The following UGT1A8 variants were observed in gnomAD, a reference collection of about 807,000 sequenced individuals.
UGT1A8 encodes the protein UDP-glucuronosyltransferase 1A8.
A neutral mutation model predicts 45.3 loss-of-function variants in UGT1A8; 39 were observed. The ratio of observed to expected loss-of-function variants is 0.86; its 90% confidence interval spans 0.67 to 1.12. UGT1A8 has a LOEUF of 1.12. Among genes scored for constraint, UGT1A8 ranks in the 50% most tolerant of loss-of-function variants. UGT1A8 has a pLI of 0.00. For missense variants in UGT1A8, 719 were observed against 664.9 expected (o/e 1.08, Z -0.90); for synonymous variants, 275 against 249.2 (o/e 1.10, Z -0.97).
At chr2:233,635,592 C>T (rs769056496) in intron 1 of UGT1A8, among the ~76,000 whole-genome samples, 8 of 150,654 alleles carry the variant, frequency 5.3e-5, no homozygotes, top group Non-Finnish European at 5.9e-5. Context: ...TATATTTGAC[C>T]ATGATATATG....
chr2:233,618,236 C>T lies in UGT1A8; in HGVS notation c.529C>T (p.Leu177Phe). The change falls in exon 1 of 5, where the codon CTT becomes TTT. Residue 177 changes from leucine to phenylalanine, a missense_variant. Physicochemically the swap from Leu to Phe is conservative, Grantham distance 22. Transcript: ENST00000373450. The stretch of plus-strand genomic sequence containing the variant: ...CGCCAGGGGAATAGCTTGCCACTAT[C>T]TTGAAGAAGGTGCACAGTGCCCTGC... Reference protein sequence around the residue: ...VFARGIACHYLEEGAQCPAPL... With the variant: ...VFARGIACHYFEEGAQCPAPL... 1 of 1,613,952 alleles carries T rather than the reference C, an allele frequency of 6.2e-7. No homozygotes were observed. Among genetic ancestry groups the T allele is most frequent in the Non-Finnish European group, 8.5e-7 (1 of 1,179,876 alleles).
chr2:233,681,870 A>G, intron 1 of UGT1A8: 1 of 1,539,590 alleles, frequency 6.5e-7, no homozygotes. Context: ...TTCTATCTGT[A>G]CTTCTTCCAC....
At chr2:233,740,343 G>A (rs1691372843) in intron 1 of UGT1A8, among the ~76,000 whole-genome samples, 1 of 151,960 alleles carries the variant, frequency 6.6e-6, no homozygotes, top group African/African-American at 2.4e-5. Flanking sequence ...AAGTTGATGA[G>A]AAAGTGGAAT....
chr2:233,690,902 G>A (rs2075020520), intron 1 of UGT1A8: 1 of 1,031,348 alleles, frequency 9.7e-7, no homozygotes, highest in Non-Finnish European at 1.2e-6. Context: ...GGTATGCATA[G>A]TGATGTTAGT....
chr2:233,618,194 C>A lies in UGT1A8; in HGVS notation c.487C>A (p.Leu163Ile), dbSNP rs781306567. ...CGLIVAKYFSLPSVVFARGIA... is the reference protein window; with the variant it reads ...CGLIVAKYFSIPSVVFARGIA... ...CTTAATTGTTGCCAAATATTTCTCCCTCCCCTCTGTGGTCTTCGCCAGGGG... is the reference window on the plus strand; with the variant it reads ...CTTAATTGTTGCCAAATATTTCTCCATCCCCTCTGTGGTCTTCGCCAGGGG... Residue 163 changes from leucine (L) to isoleucine (I), a missense_variant, in exon 1 of 5, where the codon CTC becomes ATC. By Grantham distance (5) the Leu-to-Ile change is conservative. Coordinates refer to ENST00000373450, the MANE Select transcript of UGT1A8 (RefSeq NM_019076.5). The A allele has an allele frequency of 2.5e-5, 40 of 1,614,040 alleles. No homozygotes were observed. The highest frequency in any genetic ancestry group is 3.4e-5 in the Non-Finnish European group (40 of 1,180,004).
At chr2:233,714,373 T>G (rs899133661) in intron 1 of UGT1A8, among the ~76,000 whole-genome samples, 1 of 152,172 alleles carries the variant, frequency 6.6e-6, no homozygotes, top group Admixed American at 6.5e-5. Flanking sequence ...TTGACTCAGT[T>G]CAGTGGAATT....
intron 1 of UGT1A8, among the ~76,000 whole-genome samples, chr2:233,628,736 T>A (rs2073134993): frequency 1.3e-5 from 2 of 152,138 alleles, no homozygotes; most frequent in Non-Finnish European, 2.9e-5. Flanking sequence ...AGGATGATAT[T>A]AACTGTGGGT....
chr2:233,671,236 T>C (rs958100210), intron 1 of UGT1A8, among the ~76,000 whole-genome samples: 1 of 152,322 alleles, frequency 6.6e-6, no homozygotes, highest in African/African-American at 2.4e-5. Context: ...TCGCAAGGAT[T>C]GGGCGGGCAA....
chr2:233,728,952 CA>C (rs1350442582), intron 1 of UGT1A8, among the ~76,000 whole-genome samples: 1 of 152,152 alleles, frequency 6.6e-6, no homozygotes, highest in African/African-American at 2.4e-5. Flanking sequence ...GTGGGGCCCA[CA>C]GTGAAAAACA....
chr2:233,635,925 G>A (rs918846701), intron 1 of UGT1A8, among the ~76,000 whole-genome samples: 1 of 150,862 alleles, frequency 6.6e-6, no homozygotes. Context: ...GTCCATGGAG[G>A]CAGGGTTGTC....
intron 1 of UGT1A8, among the ~76,000 whole-genome samples, chr2:233,645,172 T>A (rs931646609): frequency 2.0e-5 from 3 of 152,172 alleles, no homozygotes; most frequent in African/African-American, 7.2e-5. Flanking sequence ...GAAAAATTGT[T>A]CTTGTTGACT....
intron 1 of UGT1A8, chr2:233,672,839 TA>T: frequency 6.4e-7 from 1 of 1,553,076 alleles, no homozygotes; most frequent in Non-Finnish European, 8.7e-7. Context: ...CTTTGGAAAT[TA>T]AAAAAGGATT....
chr2:233,719,283 A>C (rs760908491), intron 1 of UGT1A8: 35 of 1,613,936 alleles, frequency 2.2e-5, no homozygotes, highest in Admixed American at 5.0e-5. Flanking sequence ...AGACCCCGTT[A>C]ACCTCTGTGG....
chr2:233,747,276 T>G (rs1693607556), intron 1 of UGT1A8: 6 of 1,598,748 alleles, frequency 3.8e-6, no homozygotes, highest in Non-Finnish European at 5.1e-6. Flanking sequence ...TCCTTCTCAG[T>G]GCCCAGCCCT....
intron 1 of UGT1A8, among the ~76,000 whole-genome samples, chr2:233,736,405 A>G (rs1182654353): frequency 4.6e-5 from 7 of 152,208 alleles, no homozygotes; most frequent in Non-Finnish European, 1.0e-4. Context: ...CTAGTTAGGC[A>G]TTCATCTAAC....
At position 233,652,425 on chromosome 2, in the gene UGT1A8, TA is replaced by T. The variant is rs1313251222; in HGVS notation, c.855+33865del. 2.6e-5 allele frequency among the ~76,000 whole-genome samples: 4 copies of T among 152,330 alleles called. No homozygotes were observed. In the East Asian group the frequency reaches 5.8e-4, roughly 22 times the overall value. Reference sequence around the variant, plus strand: ...TTTTTTTAAAAATAAATTTTGGCTATAATTTTTTAATGGAAATGCTGGAGAT... The same window carrying T: ...TTTTTTTAAAAATAAATTTTGGCTATATTTTTTAATGGAAATGCTGGAGAT... On this transcript the variant is annotated intron_variant, in intron 1 of 4. Transcript: ENST00000373450.
intron 1 of UGT1A8, among the ~76,000 whole-genome samples, chr2:233,720,993 G>A (rs776198260): frequency 1.1e-4 from 17 of 151,662 alleles, no homozygotes; most frequent in Non-Finnish European, 2.1e-4. Context: ...TTACAGGCAA[G>A]AGCCACCAAG....
In UGT1A8 at chr2:233,695,130, CTT is replaced by C. The variant is rs71398796; in HGVS notation, c.856-71891_856-71890del. Among the ~76,000 whole-genome samples, 42 of 138,814 alleles carry C rather than the reference CTT, an allele frequency of 3.0e-4. 1 individual carries two copies. Among genetic ancestry groups the C allele is most frequent in the Middle Eastern group, 3.8e-3 (1 of 264 alleles). The allele number at this position is 138,814 out of a possible 152,430, so 91.1% of individuals were successfully genotyped here. A position where few individuals can be genotyped will look rare whatever the true frequency, so the allele number is the denominator to read the frequency against. Reference sequence around the variant, plus strand: ...GCCCATTAACCAACCCTTTTCTTTTCTTTTTTTTTTTTTTGAGACAGAGTCTC... The same window carrying C: ...GCCCATTAACCAACCCTTTTCTTTTCTTTTTTTTTTTTGAGACAGAGTCTC... On this transcript the variant is annotated intron_variant, in intron 1 of 4. Coordinates refer to ENST00000373450, the MANE Select transcript of UGT1A8 (RefSeq NM_019076.5).
At chr2:233,634,651 G>A (rs954682871) in intron 1 of UGT1A8, among the ~76,000 whole-genome samples, 2 of 151,942 alleles carry the variant, frequency 1.3e-5, no homozygotes, top group African/African-American at 4.8e-5. Context: ...CTTTCCATAT[G>A]CTTGGTAAAT....
Sources: gnomAD v4.1 joint callset for allele counts (sites outside exome capture counted in the v4.1 genomes callset) on GRCh38, gnomAD v4.1.1 for gene constraint, MANE v1.5 for transcripts, NCBI Gene and HGNC (gene_info 2026-07-23, HGNC 2026-07-21) for gene names.